ICE1: variants seen among roughly 807,000 people sequenced by gnomAD.
The protein encoded by ICE1 is interactor of little elongation complex ELL subunit 1.
A neutral mutation model predicts 192.7 loss-of-function variants in ICE1; 64 were observed. The ratio of observed to expected loss-of-function variants is 0.33; its 90% CI spans 0.27 to 0.41. ICE1 has a LOEUF of 0.41. Ranked by LOEUF, ICE1 falls within the 10% of genes least tolerant of loss-of-function variation. The pLI is 1.00. For synonymous variants in ICE1, 1,010 were observed against 984.5 expected (o/e 1.03, Z -0.49); for missense variants, 2,708 against 2,696.0 (o/e 1.00, Z -0.10).
At chr5:5,468,284 A>C (rs1227636003) in intron 14 of ICE1, among the ~76,000 whole-genome samples, 1 of 152,198 alleles carries the variant, frequency 6.6e-6, no homozygotes, top group Non-Finnish European at 1.5e-5. Flanking sequence ...AGAGCGAGAG[A>C]AGTTTTGAAA....
intron 13 of ICE1, 87 bp downstream of exon 13, chr5:5,465,313 AC>A: frequency 2.2e-6 from 2 of 889,358 alleles, no homozygotes; most frequent in African/African-American, 1.7e-5. Context: ...TGTGTAGATG[AC>A]CATGAACAAA....
chr5:5,457,513 T>C lies in ICE1; in HGVS notation c.873T>C (p.Asn291=), dbSNP rs1738622805. 1.2e-6 allele frequency: 2 copies of C among 1,613,836 alleles called. No homozygotes were observed. The highest frequency in any genetic ancestry group is 1.1e-5 in the South Asian group (1 of 91,082). Residue 291 remains asparagine, a synonymous_variant, in exon 12 of 19, where the codon AAT becomes AAC. Coordinates refer to ENST00000296564, the MANE Select transcript of ICE1 (RefSeq NM_015325.3). ...AAAAACAGAGCTCCAGTGGAACAAA[T>C]TGTAGTTCTGACCATGTTTTTAATG... ...NVEKQSSSGT[N]CSSDHVFNEN...
In ICE1 at chr5:5,454,577, A is replaced by C; in HGVS notation, c.630A>C (p.Glu210Asp). The C allele has an allele frequency of 6.2e-7, 1 of 1,613,338 alleles. No individual in the cohort carries two copies. The highest frequency in any genetic ancestry group is 8.5e-7 in the Non-Finnish European group (1 of 1,179,598). The change falls in exon 11 of 19, where the codon GAA becomes GAC. Residue 210 changes from glutamate (E) to aspartate (D), a missense_variant. Physicochemically the swap from Glu to Asp is conservative, Grantham distance 45. Transcript: ENST00000296564. ...DKRKVKLLLK[E>D]LWLCVNTTHR... ...GAAAAGTGAAACTGCTTCTGAAGGAACTCTGGCTCTGTGTAAACACAACAC... is the reference window on the plus strand; with the variant it reads ...GAAAAGTGAAACTGCTTCTGAAGGACCTCTGGCTCTGTGTAAACACAACAC...
chr5:5,434,147 C>G (rs1255559773), intron 1 of ICE1, among the ~76,000 whole-genome samples: 2 of 152,068 alleles, frequency 1.3e-5, no homozygotes, highest in Non-Finnish European at 2.9e-5. Flanking sequence ...AGATTGATAC[C>G]TATACATGAA....
In ICE1 at chr5:5,464,559, G is replaced by T. The variant is rs1171418778; in HGVS notation, c.5225G>T (p.Gly1742Val). ...TGTGCATCTGGCCACGCTGCTGTGG[G>T]AGGGCCTCAGGAGAATTCTGTGAAA... ...PPCASGHAAVGGPQENSVKIL... is the reference protein window; with the variant it reads ...PPCASGHAAVVGPQENSVKIL... Residue 1742 changes from glycine (G) to valine (V), a missense_variant, in exon 13 of 19, where the codon GGA (glycine) becomes GTA (valine). Physicochemically the swap from Gly to Val is moderately radical, Grantham distance 109 (BLOSUM62 -3). Transcript: ENST00000296564. The surrounding 1 kb of genome is among the most constrained non-coding windows in gnomAD (Gnocchi z 4.0). The T allele has an allele frequency of 2.5e-6, 4 of 1,613,368 alleles. No individual in the cohort carries two copies. Among genetic ancestry groups the T allele is most frequent in the Non-Finnish European group, 2.5e-6 (3 of 1,179,594 alleles).
rs754706619 is a variant in ICE1 at position 5,444,272 on chromosome 5, C to G, written c.387-17C>G. The G allele has an allele frequency of 4.5e-6, 7 of 1,546,740 alleles. No individual in the cohort carries two copies. The highest frequency in any genetic ancestry group is 4.4e-6 in the Non-Finnish European group (5 of 1,139,538). On this transcript the variant is annotated splice_polypyrimidine_tract_variant and intron_variant, in intron 6 of 18. Coordinates refer to ENST00000296564, the MANE Select transcript of ICE1 (RefSeq NM_015325.3). ...TCTCTCTTTCTTGCCATTTAACTTA[C>G]ACAATTTCGTTATTAGGAAGAAGAA...
rs1436873267 is a variant in ICE1 at position 5,425,390 on chromosome 5, C to G, written c.84+2391C>G. 2.0e-5 allele frequency among the ~76,000 whole-genome samples: 3 copies of G among 152,336 alleles called. No homozygotes were observed. In the South Asian group the frequency reaches 6.2e-4, roughly 32 times the overall value. ...CAGAACTGCTCAGCTCTGCCATTTT[C>G]ATGTGAAAGCAGCTGTAGACAATTC... On this transcript the variant is annotated intron_variant, in intron 1 of 18. Coordinates refer to ENST00000296564, the MANE Select transcript of ICE1 (RefSeq NM_015325.3).
intron 1 of ICE1, among the ~76,000 whole-genome samples, chr5:5,426,209 A>G (rs1737513115): frequency 6.6e-6 from 1 of 152,234 alleles, no homozygotes. Context: ...ACACTTTGGG[A>G]GGCCAAGGCA....
rs1351265003 is a variant in ICE1, at chr5:5,461,888, T to G, written c.2554T>G (p.Ser852Ala). 2 of 1,613,894 alleles carry G rather than the reference T, an allele frequency of 1.2e-6. No individual in the cohort carries two copies. The highest frequency in any genetic ancestry group is 1.7e-5 in the Admixed American group (1 of 60,022). ...NNPVEFKTTA[S>A]VLPNQVSVIT... ...TCCTGTAGAATTCAAGACCACTGCATCGGTGTTGCCTAATCAAGTATCAGT... is the reference window on the plus strand; with the variant it reads ...TCCTGTAGAATTCAAGACCACTGCAGCGGTGTTGCCTAATCAAGTATCAGT... The change falls in exon 13 of 19, where the codon TCG (serine) becomes GCG (alanine). Residue 852 changes from serine (S) to alanine (A), a missense_variant. Coordinates refer to ENST00000296564, the MANE Select transcript of ICE1 (RefSeq NM_015325.3).
At chr5:5,447,607 C>T (rs1738270016) in intron 8 of ICE1, 98 bp downstream of exon 8, 2 of 1,347,614 alleles carry the variant, frequency 1.5e-6, no homozygotes, top group Non-Finnish European at 2.1e-6. Context: ...CAACATGAGG[C>T]CCCCTGGCAA....
chr5:5,423,649 A>ATT (rs1737413284), intron 1 of ICE1, among the ~76,000 whole-genome samples: 1 of 152,148 alleles, frequency 6.6e-6, no homozygotes, highest in African/African-American at 2.4e-5. Flanking sequence ...ATAAGGGAGA[A>ATT]TTGCTAGAGT....
chr5:5,460,324 G>T lies in ICE1; in HGVS notation c.1102-112G>T. On this transcript the variant is annotated intron_variant, in intron 12 of 18. Transcript: ENST00000296564. ...TCCTAGCCTGCCCCTGCTCAAACGT[G>T]ATTGTAAAGATTCTTCAGGAAACGT... 6.4e-6 allele frequency: 5 copies of T among 779,052 alleles called. No homozygotes were observed. In the South Asian group the frequency reaches 9.7e-5, roughly 15 times the overall value. 48.3% of individuals were successfully genotyped at this position (779,052 alleles called of 1,614,324 possible).
At chr5:5,481,854 G>A (rs577188933) in intron 17 of ICE1, among the ~76,000 whole-genome samples, 10 of 152,288 alleles carry the variant, frequency 6.6e-5, no homozygotes, top group African/African-American at 2.4e-4. Context: ...CAGATTTGTA[G>A]CCTATCAGTA....
At chr5:5,445,495 G>A (rs1039013545) in intron 7 of ICE1, among the ~76,000 whole-genome samples, 3 of 151,878 alleles carry the variant, frequency 2.0e-5, no homozygotes, top group Non-Finnish European at 4.4e-5. Flanking sequence ...CAGGTGGTGC[G>A]ATCTCGGCTC....
At chr5:5,451,772 A>T (rs4283757) in intron 10 of ICE1, among the ~76,000 whole-genome samples, 1 of 152,076 alleles carries the variant, frequency 6.6e-6, no homozygotes, top group Non-Finnish European at 1.5e-5. Flanking sequence ...CTCTGTTATT[A>T]ATTTTTTTGT....
Position 5,462,409 on chromosome 5 carries a change from G to A in ICE1, c.3075G>A (p.Gly1025=), listed in dbSNP as rs763935408. The part of the protein sequence containing the change: ...SVEETSCGDT[G]RSGGEALAVA... Reference sequence around the variant, plus strand: ...AAGAAACCAGCTGTGGAGACACAGGGAGATCTGGTGGTGAGGCCCTGGCTG... The same window carrying A: ...AAGAAACCAGCTGTGGAGACACAGGAAGATCTGGTGGTGAGGCCCTGGCTG... Residue 1025 remains glycine, a synonymous_variant, in exon 13 of 19, where the codon GGG becomes GGA. Coordinates refer to ENST00000296564, the MANE Select transcript of ICE1 (RefSeq NM_015325.3). 2 of 1,614,032 alleles carry A rather than the reference G, an allele frequency of 1.2e-6. No individual in the cohort carries two copies. The highest frequency in any genetic ancestry group is 1.1e-5 in the South Asian group (1 of 91,082).
At chr5:5,468,773 A>G (rs1739068458) in intron 14 of ICE1, 55 bp from the exon 15 acceptor site, 3 of 1,112,202 alleles carry the variant, frequency 2.7e-6, no homozygotes, top group South Asian at 2.3e-5. Context: ...TTAATTTGCA[A>G]TTTATTTACT....
chr5:5,451,776 T>G (rs1201541428), intron 10 of ICE1, among the ~76,000 whole-genome samples: 1 of 152,180 alleles, frequency 6.6e-6, no homozygotes, highest in Non-Finnish European at 1.5e-5. Context: ...GTTATTAATT[T>G]TTTTGTTTCA....
At chr5:5,441,018 C>T in intron 4 of ICE1, 94 bp from the exon 5 acceptor site, 1 of 740,960 alleles carries the variant, frequency 1.3e-6, no homozygotes, top group Non-Finnish European at 2.2e-6. Flanking sequence ...TTTTTTTGTT[C>T]CAAGTTAGCA....
Sources: allele counts gnomAD v4.1 joint callset (sites outside exome capture counted in the v4.1 genomes callset), GRCh38; gene constraint gnomAD v4.1.1; non-coding constraint Gnocchi (gnomAD v3.1); transcripts MANE v1.5; gene names NCBI Gene and HGNC (gene_info 2026-07-23, HGNC 2026-07-21).